The following PTN variants were observed in gnomAD, a reference collection of about 807,000 sequenced individuals.
PTN encodes the protein heparin affin regulatory protein.
In PTN, 18 loss-of-function variants were observed where a neutral mutation model predicts 24.1. The ratio of observed to expected loss-of-function variants is 0.75; its 90% confidence interval spans 0.52 to 1.11. The LOEUF is 1.11. Among genes scored for constraint, PTN ranks in the 50% least tolerant of loss-of-function variants. The pLI is 0.00. For synonymous variants in PTN, 78 were observed against 68.6 expected (o/e 1.14, Z -0.67); for missense variants, 163 against 198.8 (o/e 0.82, Z 1.08).
At position 137,228,069 on chromosome 7, in the gene PTN, G is replaced by A; in HGVS notation, c.458C>T (p.Ser153Phe). The A allele has an allele frequency of 6.4e-7, 1 of 1,550,818 alleles. No individual in the cohort carries two copies. The highest frequency in any genetic ancestry group is 8.9e-7 in the Non-Finnish European group (1 of 1,125,446). ...CTTGCCTTCCTTTTTCTTCTTCTTAGATTCTGCTGTGATTACAAAAAAGAG... is the reference window on the plus strand; with the variant it reads ...CTTGCCTTCCTTTTTCTTCTTCTTAAATTCTGCTGTGATTACAAAAAAGAG... Reference protein sequence around the residue: ...KLTKPKPQAESKKKKKEGKKQ... With the variant: ...KLTKPKPQAEFKKKKKEGKKQ... Residue 153 changes from serine (S) to phenylalanine (F), a missense_variant, in exon 5 of 5, where the codon TCT becomes TTT. Coordinates refer to ENST00000348225, the MANE Select transcript of PTN (RefSeq NM_002825.7).
At chr7:137,290,192 C>A (rs978163826) in intron 1 of PTN, among the ~76,000 whole-genome samples, 15 of 152,148 alleles carry the variant, frequency 9.9e-5, no homozygotes, top group African/African-American at 3.1e-4. Context: ...ATCATGAGAA[C>A]AGCATGGGAA....
intron 1 of PTN, among the ~76,000 whole-genome samples, chr7:137,321,419 A>G (rs2128881188): frequency 6.6e-6 from 1 of 152,298 alleles, no homozygotes; most frequent in East Asian, 1.9e-4. Context: ...TTCATATTTC[A>G]TCACCTAAAA....
At chr7:137,318,184 C>T (rs779010614) in intron 1 of PTN, among the ~76,000 whole-genome samples, 1 of 152,196 alleles carries the variant, frequency 6.6e-6, no homozygotes, top group Non-Finnish European at 1.5e-5. Context: ...AGGAGAATTG[C>T]TTGAACCTAG....
chr7:137,334,048 G>A (rs1039563891), intron 1 of PTN, among the ~76,000 whole-genome samples: 7 of 152,130 alleles, frequency 4.6e-5, no homozygotes, highest in South Asian at 2.1e-4. Context: ...AATTCAAGAC[G>A]GATTAAAGAC....
chr7:137,233,235 A>C (rs1808460180), intron 4 of PTN, among the ~76,000 whole-genome samples: 2 of 151,976 alleles, frequency 1.3e-5, no homozygotes, highest in African/African-American at 4.8e-5. Flanking sequence ...AATCATACTA[A>C]GAACTAAGCC....
intron 4 of PTN, among the ~76,000 whole-genome samples, chr7:137,237,882 C>G (rs117640371): frequency 0.02 from 3,009 of 152,122 alleles, 44 homozygotes; most frequent in Non-Finnish European, 0.027. Flanking sequence ...ATGTTTTTTT[C>G]TATTTTCTGT....
chr7:137,309,175 T>C (rs1809938119), intron 1 of PTN, among the ~76,000 whole-genome samples: 1 of 152,216 alleles, frequency 6.6e-6, no homozygotes, highest in Non-Finnish European at 1.5e-5. Flanking sequence ...AAGCAAGTCA[T>C]ACAATTTTTT....
chr7:137,339,958 C>T (rs1032362398), intron 1 of PTN, among the ~76,000 whole-genome samples: 1 of 152,090 alleles, frequency 6.6e-6, no homozygotes, highest in African/African-American at 2.4e-5. Flanking sequence ...CTATGAGTCA[C>T]TTTTTTCAAG....
intron 1 of PTN, among the ~76,000 whole-genome samples, chr7:137,300,559 G>A (rs1809789833): frequency 6.6e-6 from 1 of 151,834 alleles, no homozygotes; most frequent in East Asian, 1.9e-4. Flanking sequence ...GGTGAGTTAG[G>A]GAGTTTTTCA....
At chr7:137,310,404 GTTT>G (rs60905346) in intron 1 of PTN, among the ~76,000 whole-genome samples, 227 of 115,790 alleles carry the variant, frequency 2.0e-3, no homozygotes, top group African/African-American at 6.9e-3. Flanking sequence ...TTTTTTTTTT[GTTT>G]TTTTTTTTTT....
At chr7:137,273,513 A>C (rs1809310312) in intron 1 of PTN, among the ~76,000 whole-genome samples, 1 of 152,248 alleles carries the variant, frequency 6.6e-6, no homozygotes, top group Admixed American at 6.5e-5. Context: ...GAGAATGAAC[A>C]CAGGAGGAAC....
At chr7:137,272,345 T>C (rs765106172) in intron 1 of PTN, among the ~76,000 whole-genome samples, 21 of 152,218 alleles carry the variant, frequency 1.4e-4, no homozygotes, top group Non-Finnish European at 2.4e-4. Context: ...AATCAACTGA[T>C]CTTTTGCTCA....
At chr7:137,314,676 C>A (rs1245889160) in intron 1 of PTN, among the ~76,000 whole-genome samples, 1 of 148,282 alleles carries the variant, frequency 6.7e-6, no homozygotes, top group Non-Finnish European at 1.5e-5. Context: ...CTCACGGCAA[C>A]CTCCGACTCC....
intron 1 of PTN, among the ~76,000 whole-genome samples, chr7:137,304,909 T>A (rs975881566): frequency 6.6e-6 from 1 of 152,032 alleles, no homozygotes; most frequent in Admixed American, 6.6e-5. Flanking sequence ...CCAACACTCA[T>A]CTAAAGGAAA....
At chr7:137,228,667 G>C (rs1585000888) in intron 4 of PTN, among the ~76,000 whole-genome samples, 1 of 151,812 alleles carries the variant, frequency 6.6e-6, no homozygotes, top group South Asian at 2.1e-4. Flanking sequence ...TTGCCTACAG[G>C]AACTCCTAGT....
chr7:137,309,654 G>A (rs1268176245), intron 1 of PTN, among the ~76,000 whole-genome samples: 5 of 152,184 alleles, frequency 3.3e-5, no homozygotes, highest in South Asian at 4.2e-4. Context: ...TCTCCACCAA[G>A]AGAAGCTTCC....
intron 4 of PTN, among the ~76,000 whole-genome samples, chr7:137,230,571 G>A (rs1193582351): frequency 6.6e-6 from 1 of 151,684 alleles, no homozygotes; most frequent in Admixed American, 6.6e-5. Context: ...ACATAACAAA[G>A]TGTTCAAATT....
chr7:137,266,556 C>A (rs1187091447), intron 1 of PTN, among the ~76,000 whole-genome samples: 2 of 151,684 alleles, frequency 1.3e-5, no homozygotes, highest in African/African-American at 2.4e-5. Context: ...TTTAAAAAAA[C>A]AACCAGTTAA....
intron 1 of PTN, among the ~76,000 whole-genome samples, chr7:137,268,743 C>G (rs1331753949): frequency 6.6e-6 from 1 of 152,200 alleles, no homozygotes; most frequent in African/African-American, 2.4e-5. Context: ...GGTTTCGGGT[C>G]TGGTTCCTAG....
Sources: gnomAD v4.1 joint callset for allele counts (sites outside exome capture counted in the v4.1 genomes callset) on GRCh38, gnomAD v4.1.1 for gene constraint, MANE v1.5 for transcripts, NCBI Gene and HGNC (gene_info 2026-07-23, HGNC 2026-07-21) for gene names.